The following NEK7 variants were observed in gnomAD, a reference collection of about 807,000 sequenced individuals.
The protein encoded by NEK7 is NIMA related kinase 7, also known as serine/threonine-protein kinase Nek7.
In NEK7, 18 loss-of-function variants were observed where a neutral mutation model predicts 44.6. The observed-to-expected ratio is 0.40, with a 90% CI of 0.28 to 0.60. NEK7 has a LOEUF of 0.60. Ranked by LOEUF, NEK7 falls within the 20% of genes least tolerant of loss-of-function variation. The pLI is 0.38. For missense variants in NEK7, 256 were observed against 366.5 expected, an observed-to-expected ratio of 0.70 and a Z score of 2.46; for synonymous variants, 130 against 121.1, an observed-to-expected ratio of 1.07 and a Z score of -0.48.
At chr1:198,290,644 T>A (rs1013434661) in intron 7 of NEK7, among the ~76,000 whole-genome samples, 15 of 152,156 alleles carry the variant, frequency 9.9e-5, no homozygotes, top group African/African-American at 3.1e-4. Context: ...ATTTATCCTA[T>A]TAATAATTAT....
At chr1:198,186,402 T>C (rs1664927312) in intron 1 of NEK7, among the ~76,000 whole-genome samples, 1 of 151,792 alleles carries the variant, frequency 6.6e-6, no homozygotes, top group African/African-American at 2.4e-5. Context: ...CAAGTTTTTG[T>C]TTTGTTTTGT....
In NEK7 at chr1:198,287,426, A is replaced by G. The variant is rs565700204; in HGVS notation, c.590-5519A>G. Among the ~76,000 whole-genome samples the G allele has an allele frequency of 6.6e-5, 10 of 152,270 alleles. No homozygotes were observed. The South Asian group carries it at 1.2e-3, about 19-fold the overall frequency. On this transcript the variant is annotated intron_variant, in intron 7 of 9. Coordinates refer to ENST00000367385, the MANE Select transcript of NEK7 (RefSeq NM_133494.3). ...AAACAAAAACAAACAAAAAAAAGCT[A>G]GAGAGGTTCTGTGGAAGAGGTTCCA...
intron 8 of NEK7, among the ~76,000 whole-genome samples, chr1:198,293,651 G>A (rs1303596536): frequency 1.3e-5 from 2 of 151,896 alleles, no homozygotes; most frequent in Non-Finnish European, 3.0e-5. Context: ...GTGGATAAAA[G>A]AAAGCATGTT....
rs140304407 is a variant in NEK7 at position 198,268,339 on chromosome 1, C to T, written c.372+4104C>T. On this transcript the variant is annotated intron_variant, in intron 5 of 9. Transcript: ENST00000367385. Reference sequence around the variant, plus strand: ...ACCCATCCTCCCATGTTCCCTAACTCGAGGCCTGGCACCAGTTTATCTCGT... The same window carrying T: ...ACCCATCCTCCCATGTTCCCTAACTTGAGGCCTGGCACCAGTTTATCTCGT... 6.6e-3 allele frequency among the ~76,000 whole-genome samples: 954 copies of T among 143,518 alleles called. 19 individuals carry two copies. The highest frequency in any genetic ancestry group is 0.023 in the African/African-American group (893 of 38,030). 94.2% of individuals were successfully genotyped at this position (143,518 alleles called of 152,430 possible).
At chr1:198,252,181 G>A (rs575341810) in intron 2 of NEK7, among the ~76,000 whole-genome samples, 3 of 152,070 alleles carry the variant, frequency 2.0e-5, no homozygotes, top group Admixed American at 1.3e-4. Context: ...ACAGTTGAGC[G>A]GTTTTGAGTG....
intron 9 of NEK7, among the ~76,000 whole-genome samples, chr1:198,315,406 T>C (rs1005560252): frequency 1.1e-4 from 17 of 152,210 alleles, no homozygotes; most frequent in African/African-American, 4.1e-4. Flanking sequence ...CTGCGTCGCT[T>C]ACGCTGGGAG....
intron 9 of NEK7, among the ~76,000 whole-genome samples, chr1:198,311,727 T>A (rs1003919639): frequency 1.3e-5 from 2 of 152,258 alleles, no homozygotes; most frequent in Non-Finnish European, 2.9e-5. Context: ...TCTGTTTATA[T>A]GCTGGATTAC....
At chr1:198,319,265 C>T (rs1655466994) in intron 9 of NEK7, 147 bp from the exon 10 acceptor site, 2 of 565,468 alleles carry the variant, frequency 3.5e-6, no homozygotes, top group Non-Finnish European at 6.3e-6. Context: ...TGGCAGCAGT[C>T]TTATATATAT....
intron 1 of NEK7, among the ~76,000 whole-genome samples, chr1:198,210,999 G>A (rs1028550057): frequency 5.3e-5 from 8 of 151,716 alleles, no homozygotes; most frequent in Admixed American, 1.3e-4. Flanking sequence ...TGATCCGCCC[G>A]CCTCGGCCTC....
intron 1 of NEK7, among the ~76,000 whole-genome samples, chr1:198,196,677 C>A (rs1293614815): frequency 6.6e-6 from 1 of 152,202 alleles, no homozygotes; most frequent in Non-Finnish European, 1.5e-5. Context: ...GGCGTCATAT[C>A]CACATGGTGG....
chr1:198,160,500 G>T (rs555243460), intron 1 of NEK7, among the ~76,000 whole-genome samples: 3 of 152,226 alleles, frequency 2.0e-5, no homozygotes, highest in African/African-American at 7.2e-5. Context: ...AGGTATTTCA[G>T]TGCATCGTCT....
intron 2 of NEK7, among the ~76,000 whole-genome samples, chr1:198,243,229 A>G (rs1666739718): frequency 6.6e-6 from 1 of 152,192 alleles, no homozygotes; most frequent in South Asian, 2.1e-4. Context: ...TTTCTGTCAC[A>G]TTCTATATCA....
At chr1:198,206,647 G>C (rs779249751) in intron 1 of NEK7, among the ~76,000 whole-genome samples, 2 of 151,958 alleles carry the variant, frequency 1.3e-5, no homozygotes, top group Non-Finnish European at 2.9e-5. Context: ...TAGAGAATAT[G>C]TCTGAAATAC....
At position 198,292,319 on chromosome 1, in the gene NEK7, G is replaced by T. The variant is rs1654584310; in HGVS notation, c.590-626G>T. ...TCTTGAGTGTCTTGTCTCTAAAAAG[G>T]TCTCAGTAGTAACAATAACTCAAGA... On this transcript the variant is annotated intron_variant, in intron 7 of 9. Transcript: ENST00000367385. Among the ~76,000 whole-genome samples the T allele has an allele frequency of 1.3e-5, 2 of 151,814 alleles. 1 individual carries two copies. The highest frequency in any genetic ancestry group is 4.1e-4 in the South Asian group (2 of 4,822).
At chr1:198,243,891 G>GT (rs1181406602) in intron 2 of NEK7, among the ~76,000 whole-genome samples, 5 of 150,788 alleles carry the variant, frequency 3.3e-5, no homozygotes, top group Admixed American at 2.0e-4. Flanking sequence ...CACATATGGT[G>GT]TTTTTTTGTT....
At chr1:198,204,606 C>T (rs12034629) in intron 1 of NEK7, among the ~76,000 whole-genome samples, 3 of 151,222 alleles carry the variant, frequency 2.0e-5, no homozygotes, top group South Asian at 2.1e-4. Flanking sequence ...GTAGTCCCAG[C>T]TACTCGGGAG....
At chr1:198,184,818 A>C (rs1312551533) in intron 1 of NEK7, among the ~76,000 whole-genome samples, 3 of 152,132 alleles carry the variant, frequency 2.0e-5, no homozygotes, top group Non-Finnish European at 1.5e-5. Context: ...AAAGTTGCAC[A>C]CCACTATGCC....
intron 2 of NEK7, among the ~76,000 whole-genome samples, chr1:198,242,025 G>A (rs902135584): frequency 6.6e-6 from 1 of 152,100 alleles, no homozygotes; most frequent in African/African-American, 2.4e-5. Context: ...GTAAATGGCA[G>A]CACTATTCAT....
At chr1:198,264,376 T>C (rs1186632816) in intron 5 of NEK7, 141 bp downstream of exon 5, 1 of 442,530 alleles carries the variant, frequency 2.3e-6, no homozygotes, top group Non-Finnish European at 3.6e-6. Flanking sequence ...TAACAAATAG[T>C]AGATGGTTAG....
Sources: gnomAD v4.1 joint callset for allele counts (sites outside exome capture counted in the v4.1 genomes callset) on GRCh38, gnomAD v4.1.1 for gene constraint, MANE v1.5 for transcripts, NCBI Gene and HGNC (gene_info 2026-07-23, HGNC 2026-07-21) for gene names.